Variants in KAZN observed in about 807,000 individuals in gnomAD.
KAZN encodes the protein kazrin, periplakin interacting protein, also known as kazrin.
Under a neutral mutation model 87.4 loss-of-function variants are expected in KAZN, and 40 were observed. The observed-to-expected ratio is 0.46, with a 90% confidence interval of 0.36 to 0.60. KAZN has a LOEUF of 0.60. Ranked by LOEUF, KAZN falls within the 20% of genes least tolerant of loss-of-function variation. The pLI is 0.00. For missense variants in KAZN, 898 were observed against 1,073.9 expected (o/e 0.84, Z 2.29); for synonymous variants, 466 against 458.3 (o/e 1.02, Z -0.22).
Position 14,877,003 on chromosome 1 carries a change from A to G in KAZN, c.227-83681A>G, listed in dbSNP as rs1652838943. ...TGTCTTAAGCCAAATATATACATACATGTAGAGATGCAAAAGCTACTGGTT... is the reference window on the plus strand; with the variant it reads ...TGTCTTAAGCCAAATATATACATACGTGTAGAGATGCAAAAGCTACTGGTT... On this transcript the variant is annotated intron_variant, in intron 1 of 14. Transcript: ENST00000376030. Among the ~76,000 whole-genome samples the G allele has an allele frequency of 5.3e-5, 8 of 152,222 alleles. No individual in the cohort carries two copies. The South Asian group carries it at 1.7e-3, about 31-fold the overall frequency.
At chr1:14,369,999 T>C (rs1465473676) in intron 2 of KAZN, among the ~76,000 whole-genome samples, 1 of 152,030 alleles carries the variant, frequency 6.6e-6, no homozygotes, top group Non-Finnish European at 1.5e-5. Context: ...GCATTCCACC[T>C]CCCCACACGT....
At chr1:14,571,218 A>G (rs1674844837) in intron 2 of KAZN, among the ~76,000 whole-genome samples, 1 of 151,554 alleles carries the variant, frequency 6.6e-6, no homozygotes, top group Non-Finnish European at 1.5e-5. Flanking sequence ...AGCACAGTCA[A>G]TTTTTTCAGA....
chr1:14,344,744 C>T (rs1008302032), intron 2 of KAZN, among the ~76,000 whole-genome samples: 2 of 152,042 alleles, frequency 1.3e-5, no homozygotes, highest in Admixed American at 1.3e-4. Context: ...GAAGAGAGGA[C>T]AATTCAGGGA....
intron 1 of KAZN, among the ~76,000 whole-genome samples, chr1:14,158,249 T>G (rs1645637633): frequency 6.6e-6 from 1 of 152,238 alleles, no homozygotes; most frequent in African/African-American, 2.4e-5. Flanking sequence ...TTTGCTCTTT[T>G]GGGGCTATTT....
chr1:14,764,588 C>T (rs1644838873), intron 1 of KAZN, among the ~76,000 whole-genome samples: 1 of 151,998 alleles, frequency 6.6e-6, no homozygotes, highest in African/African-American at 2.4e-5. Context: ...TCTTAAATGC[C>T]TGGAGCTCAT....
intron 2 of KAZN, among the ~76,000 whole-genome samples, chr1:14,513,865 T>A (rs1007230087): frequency 6.6e-6 from 1 of 152,076 alleles, no homozygotes; most frequent in Non-Finnish European, 1.5e-5. Context: ...AGCAGGTTGC[T>A]ACAATTAGAA....
At chr1:13,994,499 G>T (rs1639421545) in intron 1 of KAZN, among the ~76,000 whole-genome samples, 1 of 152,216 alleles carries the variant, frequency 6.6e-6, no homozygotes, top group Admixed American at 6.5e-5. Flanking sequence ...GCTGAAGTTT[G>T]TGTGTTTGAC....
chr1:14,193,129 G>T (rs367684633), intron 2 of KAZN, among the ~76,000 whole-genome samples: 1 of 152,086 alleles, frequency 6.6e-6, no homozygotes, highest in South Asian at 2.1e-4. Context: ...CCTTCCTGCC[G>T]CCTTGTGAAG....
At chr1:14,370,364 G>A (rs572463133) in intron 2 of KAZN, among the ~76,000 whole-genome samples, 1 of 152,254 alleles carries the variant, frequency 6.6e-6, no homozygotes, top group African/African-American at 2.4e-5. Flanking sequence ...AGTGAGTGTG[G>A]CCACCCCCAG....
At chr1:14,103,140 C>G (rs1483891371) in intron 1 of KAZN, among the ~76,000 whole-genome samples, 1 of 152,026 alleles carries the variant, frequency 6.6e-6, no homozygotes, top group Non-Finnish European at 1.5e-5. Flanking sequence ...AGGCTGGTCT[C>G]GAACTCCTGG....
intron 1 of KAZN, among the ~76,000 whole-genome samples, chr1:14,137,510 T>C (rs532807742): frequency 2.2e-4 from 34 of 152,236 alleles, no homozygotes; most frequent in African/African-American, 4.1e-4. Flanking sequence ...TCAAGTTCTA[T>C]TGATACCACC....
chr1:15,045,684 C>T (rs113783602), intron 4 of KAZN, among the ~76,000 whole-genome samples: 2,979 of 152,234 alleles, frequency 0.02, 99 homozygotes, highest in African/African-American at 0.067. Flanking sequence ...CTCACAGTTC[C>T]GAATGGCTGG....
intron 1 of KAZN, among the ~76,000 whole-genome samples, chr1:14,612,751 T>A (rs1370667062): frequency 6.6e-6 from 1 of 152,156 alleles, no homozygotes; most frequent in East Asian, 1.9e-4. Flanking sequence ...AGCAACCCCA[T>A]TATGTGACAG....
chr1:14,207,334 C>T (rs1251405263), intron 2 of KAZN, among the ~76,000 whole-genome samples: 1 of 152,134 alleles, frequency 6.6e-6, no homozygotes, highest in African/African-American at 2.4e-5. Flanking sequence ...GAGTACTTCT[C>T]AAGGTTTTGT....
chr1:14,254,301 T>G (rs1465344683), intron 2 of KAZN, among the ~76,000 whole-genome samples: 2 of 152,236 alleles, frequency 1.3e-5, no homozygotes, highest in East Asian at 1.9e-4. Context: ...GAATCTCATC[T>G]GTGTTTGAAG....
At chr1:14,845,361 G>GTGGATGGATGGATGGATGGA (rs59955064) in intron 1 of KAZN, among the ~76,000 whole-genome samples, 10 of 147,216 alleles carry the variant, frequency 6.8e-5, no homozygotes, top group African/African-American at 2.6e-4. Flanking sequence ...GGATGGATGA[G>GTGGATGGATGGATGGATGGA]TGGATGGATG....
chr1:14,242,084 A>G (rs1648989696), intron 2 of KAZN, among the ~76,000 whole-genome samples: 1 of 152,210 alleles, frequency 6.6e-6, no homozygotes, highest in Admixed American at 6.5e-5. Flanking sequence ...GCTCTCCAGA[A>G]AGTGTCCTGA....
At chr1:14,899,412 C>T (rs577734473) in intron 1 of KAZN, among the ~76,000 whole-genome samples, 2 of 152,282 alleles carry the variant, frequency 1.3e-5, no homozygotes, top group African/African-American at 4.8e-5. Context: ...GGACCTGAGA[C>T]CTGTGAACTT....
intron 2 of KAZN, among the ~76,000 whole-genome samples, chr1:14,219,447 T>TA (rs1234029857): frequency 2.0e-5 from 3 of 152,188 alleles, no homozygotes; most frequent in Non-Finnish European, 2.9e-5. Context: ...TTACAACTAA[T>TA]AAGCTTTTTA....
Sources: allele counts gnomAD v4.1 joint callset (sites outside exome capture counted in the v4.1 genomes callset), GRCh38; gene constraint gnomAD v4.1.1; transcripts MANE v1.5; gene names NCBI Gene and HGNC (gene_info 2026-07-23, HGNC 2026-07-21).